ZNF503: variants seen among roughly 807,000 people sequenced by gnomAD.
ZNF503 encodes the protein NocA-like zinc finger 2.
ZNF503 carries 15 observed loss-of-function variants against 34.4 expected under a neutral mutation model. The ratio of observed to expected loss-of-function variants is 0.44; its 90% CI spans 0.29 to 0.67. ZNF503 has a LOEUF of 0.67. Ranked by LOEUF, ZNF503 falls within the 30% of genes least tolerant of loss-of-function variation. ZNF503 has a pLI of 0.13. For missense variants in ZNF503, 1,007 were observed against 926.8 expected (o/e 1.09, Z -1.12); for synonymous variants, 580 against 456.8 (o/e 1.27, Z -3.44).
rs989166758 is a variant in ZNF503, at chr10:75,401,378, C to T, written c.42G>A (p.Lys14=). 2.6e-6 allele frequency: 4 copies of T among 1,534,306 alleles called. No homozygotes were observed. The highest frequency in any genetic ancestry group is 1.2e-5 in the South Asian group (1 of 83,932). The stretch of plus-strand genomic sequence containing the variant: ...CTCCGCCGCCGCCGCCGCCGCTGTG[C>T]TTACTGCTTCTTAGGGCAGAAAGCG... ...APSLSALRSS[K]HSGGGGGGGG... is the part of the protein sequence containing the mutation. The change falls in exon 1 of 2, where the codon AAG becomes AAA. Residue 14 remains lysine (K), a synonymous_variant. Transcript: ENST00000372524.
chr10:75,348,184 T>C, the ZNF503 span, among the ~76,000 whole-genome samples: 2 of 152,076 alleles, frequency 1.3e-5, no homozygotes, highest in African/African-American at 4.8e-5. Context: ...TGCTTCAGCC[T>C]CCCCAATAGC....
chr10:75,379,442 A>G, the ZNF503 span, among the ~76,000 whole-genome samples: 3 of 152,236 alleles, frequency 2.0e-5, no homozygotes, highest in Non-Finnish European at 4.4e-5. Context: ...TTAAATTGTA[A>G]GGCCTTGCCT....
the ZNF503 span, among the ~76,000 whole-genome samples, chr10:75,315,167 C>T: frequency 5.9e-5 from 9 of 152,130 alleles, no homozygotes; most frequent in Admixed American, 2.6e-4. Flanking sequence ...CGAGACCAGC[C>T]TGGGCAACAT....
At chr10:75,359,509 G>A in the ZNF503 span, among the ~76,000 whole-genome samples, 1 of 152,220 alleles carries the variant, frequency 6.6e-6, no homozygotes, top group Non-Finnish European at 1.5e-5. Context: ...AGTTTTAGAA[G>A]CATCTCCGGC....
At chr10:75,365,673 CT>C in the ZNF503 span, among the ~76,000 whole-genome samples, 1 of 152,204 alleles carries the variant, frequency 6.6e-6, no homozygotes, top group Non-Finnish European at 1.5e-5. Flanking sequence ...GTTATTTAAC[CT>C]ATCTGTGCTT....
chr10:75,400,443 C>T (rs995284039), intron 1 of ZNF503, 69 bp from the exon 2 acceptor site: 9 of 1,493,768 alleles, frequency 6.0e-6, no homozygotes, highest in Middle Eastern at 1.8e-4. Flanking sequence ...AGAATCCTGG[C>T]TTCTGGGGTT....
the ZNF503 span, among the ~76,000 whole-genome samples, chr10:75,378,572 C>T: frequency 7.9e-4 from 121 of 152,308 alleles, no homozygotes; most frequent in African/African-American, 2.8e-3. Context: ...AGCCCTCCAT[C>T]CATCCTCATC....
At chr10:75,350,598 AGTGTG>A in the ZNF503 span, 1 of 152,254 alleles carries the variant, frequency 6.6e-6, no homozygotes, top group Admixed American at 6.5e-5. Context: ...CGCAGGCTGG[AGTGTG>A]GTGGTATGAT....
At chr10:75,385,959 C>T in the ZNF503 span, among the ~76,000 whole-genome samples, 1 of 152,158 alleles carries the variant, frequency 6.6e-6, no homozygotes, top group Non-Finnish European at 1.5e-5. Context: ...CCAGCCCTGA[C>T]GCAATGCAGG....
At chr10:75,280,969 T>G in the ZNF503 span, among the ~76,000 whole-genome samples, 1 of 152,174 alleles carries the variant, frequency 6.6e-6, no homozygotes, top group South Asian at 2.1e-4. Context: ...GGAACTTCTC[T>G]GCCTGGCTGG....
chr10:75,335,055 C>T, the ZNF503 span, among the ~76,000 whole-genome samples: 2 of 152,156 alleles, frequency 1.3e-5, no homozygotes, highest in African/African-American at 4.8e-5. Context: ...ATCAAACTTC[C>T]AGGATTCAAA....
At chr10:75,334,785 G>C in the ZNF503 span, among the ~76,000 whole-genome samples, 2 of 152,196 alleles carry the variant, frequency 1.3e-5, no homozygotes, top group African/African-American at 4.8e-5. Context: ...AGTCCCAGGA[G>C]ACTGCTGAAA....
the ZNF503 span, among the ~76,000 whole-genome samples, chr10:75,373,051 A>G: frequency 6.6e-6 from 1 of 152,236 alleles, no homozygotes; most frequent in Non-Finnish European, 1.5e-5. Flanking sequence ...GCTTTTGTAC[A>G]CTGGGAAAAA....
At chr10:75,397,398 C>T (rs1242136293), downstream of ZNF503, among the ~76,000 whole-genome samples, 1 of 152,196 alleles carries the variant, frequency 6.6e-6, no homozygotes, top group Non-Finnish European at 1.5e-5. Context: ...TGCCCCAGCG[C>T]GCTGCCCCAC....
chr10:75,303,852 G>A, the ZNF503 span, among the ~76,000 whole-genome samples: 1 of 38,674 alleles, frequency 2.6e-5, no homozygotes, highest in Non-Finnish European at 5.9e-5. Context: ...TTTTTTTTTT[G>A]AGACAGGGTC....
the ZNF503 span, among the ~76,000 whole-genome samples, chr10:75,328,746 CTTT>C: frequency 3.1e-5 from 4 of 130,784 alleles, no homozygotes; most frequent in East Asian, 4.3e-4. Context: ...AATGTCTTTT[CTTT>C]TTTTTTTTTT....
At chr10:75,286,486 C>T in the ZNF503 span, among the ~76,000 whole-genome samples, 2 of 152,140 alleles carry the variant, frequency 1.3e-5, no homozygotes, top group Admixed American at 1.3e-4. Flanking sequence ...TCTTCTCCAG[C>T]CTTGGAGCAA....
At chr10:75,340,702 G>A in the ZNF503 span, among the ~76,000 whole-genome samples, 1 of 152,072 alleles carries the variant, frequency 6.6e-6, no homozygotes, top group Non-Finnish European at 1.5e-5. Context: ...AGGTTCGAGC[G>A]ATTCTCCTGC....
chr10:75,346,329 G>T, the ZNF503 span, among the ~76,000 whole-genome samples: 2 of 152,058 alleles, frequency 1.3e-5, no homozygotes, highest in Non-Finnish European at 2.9e-5. Context: ...CTTGAAGTTT[G>T]GTGTCTTGAA....
Sources: gnomAD v4.1 joint callset for allele counts (sites outside exome capture counted in the v4.1 genomes callset) on GRCh38, gnomAD v4.1.1 for gene constraint, MANE v1.5 for transcripts, NCBI Gene and HGNC (gene_info 2026-07-23, HGNC 2026-07-21) for gene names.